CNTN6: variants seen among roughly 807,000 people sequenced by gnomAD.
The protein encoded by CNTN6 is contactin-6.
A neutral mutation model predicts 122.8 loss-of-function variants in CNTN6; 137 were observed. The observed-to-expected ratio is 1.12, with a 90% CI of 0.97 to 1.29. CNTN6 has a LOEUF of 1.29. Among genes scored for constraint, CNTN6 ranks in the 50% most tolerant of loss-of-function variants. CNTN6 has a pLI of 0.00. For synonymous variants in CNTN6, 570 were observed against 426.0 expected (o/e 1.34, Z -4.16); for missense variants, 1,634 against 1,223.4 (o/e 1.34, Z -5.01).
chr3:1,237,168 C>T (rs530122300), intron 4 of CNTN6, among the ~76,000 whole-genome samples: 2 of 151,864 alleles, frequency 1.3e-5, no homozygotes, highest in Non-Finnish European at 2.9e-5. Context: ...AAGGAAAATT[C>T]TTCAGTGAAA....
intron 2 of CNTN6, among the ~76,000 whole-genome samples, chr3:1,152,542 C>T (rs75993884): frequency 0.027 from 4,063 of 152,138 alleles, 53 homozygotes; most frequent in Non-Finnish European, 0.041. Context: ...ATGTCACCTG[C>T]CTAAGAAACC....
At chr3:1,300,558 AAAGAAAGAAAGAAAGAAAGAAAG>A (rs1430958166) in intron 7 of CNTN6, among the ~76,000 whole-genome samples, 1 of 18,068 alleles carries the variant, frequency 5.5e-5, no homozygotes, top group Non-Finnish European at 9.4e-5. Flanking sequence ...AGAGAAAGAA[AAAGAAAGAAAGAAAGAAAGAAAG>A]AAAGAAAGAA....
At chr3:1,305,395 T>A (rs1444794794) in intron 7 of CNTN6, among the ~76,000 whole-genome samples, 2 of 152,208 alleles carry the variant, frequency 1.3e-5, no homozygotes, top group Non-Finnish European at 2.9e-5. Context: ...TGTTGGAGTT[T>A]CAGAGCTGAC....
At chr3:1,349,836 C>G (rs1054451166) in intron 11 of CNTN6, among the ~76,000 whole-genome samples, 1 of 151,470 alleles carries the variant, frequency 6.6e-6, no homozygotes, top group Non-Finnish European at 1.5e-5. Flanking sequence ...TTTAATATCT[C>G]ATTAATTAAA....
At chr3:1,378,020 C>G (rs1010220541) in intron 17 of CNTN6, among the ~76,000 whole-genome samples, 1 of 152,126 alleles carries the variant, frequency 6.6e-6, no homozygotes, top group Admixed American at 6.5e-5. Flanking sequence ...ACCCAACTGG[C>G]TGCTGAAGGG....
At chr3:1,222,089 G>C (rs78672896) in intron 3 of CNTN6, among the ~76,000 whole-genome samples, 1 of 151,986 alleles carries the variant, frequency 6.6e-6, no homozygotes, top group African/African-American at 2.4e-5. Context: ...TAACTTCAGT[G>C]TCTTCTTTTT....
rs190757291 is a variant in CNTN6, at chr3:1,176,461, C to G, written c.55+28398C>G. On this transcript the variant is annotated intron_variant, in intron 2 of 22. Transcript: ENST00000446702. ...AGGCTGTTTGATTCAACCTGGTTAG[C>G]CGAAGAGAGTGGCTGGTAGAGAATG... Among the ~76,000 whole-genome samples, 68 of 152,216 alleles carry G rather than the reference C, an allele frequency of 4.5e-4. No individual in the cohort carries two copies. In the Middle Eastern group the frequency reaches 0.01, roughly 23 times the overall value.
At chr3:1,277,718 G>A (rs1223617863) in intron 4 of CNTN6, among the ~76,000 whole-genome samples, 1 of 152,106 alleles carries the variant, frequency 6.6e-6, no homozygotes, top group Non-Finnish European at 1.5e-5. Flanking sequence ...TACAGGTAAA[G>A]AAACTGAGGC....
At chr3:1,326,387 A>C (rs1701546395) in intron 9 of CNTN6, among the ~76,000 whole-genome samples, 1 of 151,848 alleles carries the variant, frequency 6.6e-6, no homozygotes, top group Non-Finnish European at 1.5e-5. Context: ...AGTTTCAAAG[A>C]GGTTAGGCTA....
At chr3:1,301,024 C>CTTTTTTTTTTTTTTTT (rs562912841) in intron 7 of CNTN6, among the ~76,000 whole-genome samples, 6 of 93,276 alleles carry the variant, frequency 6.4e-5, no homozygotes, top group African/African-American at 2.2e-4. Flanking sequence ...AGTCCCTAAA[C>CTTTTTTTTTTTTTTTT]TTTTTTTTTT....
intron 19 of CNTN6, among the ~76,000 whole-genome samples, chr3:1,384,581 T>A (rs932991434): frequency 1.3e-5 from 2 of 151,526 alleles, no homozygotes; most frequent in Non-Finnish European, 2.9e-5. Flanking sequence ...AACTTGCAAA[T>A]TCAGTGATTC....
At chr3:1,114,352 G>A (rs893278905) in intron 1 of CNTN6, among the ~76,000 whole-genome samples, 1 of 152,150 alleles carries the variant, frequency 6.6e-6, no homozygotes, top group Non-Finnish European at 1.5e-5. Flanking sequence ...TATGAATCAA[G>A]CCTTGGAGAT....
chr3:1,120,069 T>C (rs769146755), intron 1 of CNTN6, among the ~76,000 whole-genome samples: 69 of 152,092 alleles, frequency 4.5e-4, no homozygotes, highest in Non-Finnish European at 8.2e-4. Context: ...TTTTTCCTTT[T>C]TATTGCTGAG....
chr3:1,382,842 T>C, intron 17 of CNTN6, 100 bp from the exon 18 acceptor site: 2 of 791,198 alleles, frequency 2.5e-6, no homozygotes, highest in Admixed American at 2.6e-5. Context: ...AATATCCATA[T>C]TTGTCTCTAT....
intron 4 of CNTN6, among the ~76,000 whole-genome samples, chr3:1,260,322 A>AG (rs1318143688): frequency 1.3e-5 from 2 of 152,080 alleles, no homozygotes; most frequent in Non-Finnish European, 2.9e-5. Flanking sequence ...AAACATCCAG[A>AG]GGCTCCATCA....
At chr3:1,293,903 A>G (rs1035443935) in intron 5 of CNTN6, among the ~76,000 whole-genome samples, 7 of 152,200 alleles carry the variant, frequency 4.6e-5, no homozygotes, top group Non-Finnish European at 1.0e-4. Flanking sequence ...TTTAATACAT[A>G]TGAATATTTG....
chr3:1,381,480 C>A (rs1020980986), intron 17 of CNTN6, among the ~76,000 whole-genome samples: 1 of 151,908 alleles, frequency 6.6e-6, no homozygotes, highest in Non-Finnish European at 1.5e-5. Context: ...GTAATGAGGA[C>A]AGGAAAAAAG....
intron 1 of CNTN6, chr3:1,128,260 G>A (rs1373930154): frequency 6.6e-6 from 1 of 151,956 alleles, no homozygotes; most frequent in African/African-American, 2.4e-5. Context: ...TTGGCATCTT[G>A]TTGCAGAATG....
intron 5 of CNTN6, among the ~76,000 whole-genome samples, chr3:1,283,674 G>A (rs1693852983): frequency 6.6e-6 from 1 of 151,644 alleles, no homozygotes; most frequent in Admixed American, 6.6e-5. Flanking sequence ...TTTATCCAAA[G>A]TAAAGAACAC....
Sources: gnomAD v4.1 joint callset for allele counts (sites outside exome capture counted in the v4.1 genomes callset) on GRCh38, gnomAD v4.1.1 for gene constraint, MANE v1.5 for transcripts, NCBI Gene and HGNC (gene_info 2026-07-23, HGNC 2026-07-21) for gene names.